The following THSD4 variants were observed in gnomAD, a reference collection of about 807,000 sequenced individuals.
THSD4 encodes thrombospondin type-1 domain-containing protein 4.
THSD4 carries 69 observed loss-of-function variants against 119.0 expected under a neutral mutation model. The ratio of observed to expected loss-of-function variants is 0.58; its 90% CI spans 0.48 to 0.71. THSD4 has a LOEUF of 0.71. THSD4 is among the 30% of genes least tolerant of loss of function. The pLI is 0.00. For synonymous variants in THSD4, 524 were observed against 540.4 expected (o/e 0.97, Z 0.42); for missense variants, 1,393 against 1,391.1 (o/e 1.00, Z -0.02).
At chr15:71,222,791 G>A (rs1414981094) in intron 4 of THSD4, among the ~76,000 whole-genome samples, 1 of 152,144 alleles carries the variant, frequency 6.6e-6, no homozygotes, top group Admixed American at 6.5e-5. Context: ...CTCAATGACT[G>A]GGGCTTTGAA....
intron 17 of THSD4, among the ~76,000 whole-genome samples, chr15:71,773,670 T>C (rs1315022206): frequency 6.6e-6 from 1 of 152,220 alleles, no homozygotes; most frequent in African/African-American, 2.4e-5. Flanking sequence ...GCCAGAGTTA[T>C]GACACACACT....
At chr15:71,257,597 G>A (rs930170798) in intron 6 of THSD4, among the ~76,000 whole-genome samples, 50 of 152,198 alleles carry the variant, frequency 3.3e-4, no homozygotes, top group Non-Finnish European at 6.5e-4. Context: ...AATTGCCTTG[G>A]AAGAGGGATT....
intron 7 of THSD4, among the ~76,000 whole-genome samples, chr15:71,501,417 C>G (rs1399708857): frequency 1.3e-5 from 2 of 152,184 alleles, no homozygotes. Flanking sequence ...GGGTATACCT[C>G]AAGTGGGTTT....
At chr15:71,722,232 T>C (rs1161940820) in intron 8 of THSD4, among the ~76,000 whole-genome samples, 1 of 152,206 alleles carries the variant, frequency 6.6e-6, no homozygotes, top group East Asian at 1.9e-4. Flanking sequence ...AGATGGGGGC[T>C]AGTTTTTGAG....
intron 7 of THSD4, among the ~76,000 whole-genome samples, chr15:71,466,252 G>A (rs1430500397): frequency 2.0e-5 from 3 of 151,862 alleles, no homozygotes; most frequent in Non-Finnish European, 4.4e-5. Context: ...GGCTGAGGCA[G>A]GAGAATGGTG....
intron 3 of THSD4, among the ~76,000 whole-genome samples, chr15:71,181,208 A>G (rs1469313018): frequency 3.9e-5 from 6 of 152,342 alleles, no homozygotes; most frequent in Non-Finnish European, 5.9e-5. Context: ...TGGCATAAAT[A>G]TAACTGACTG....
chr15:71,589,784 A>G (rs2049759843), intron 7 of THSD4, among the ~76,000 whole-genome samples: 1 of 139,682 alleles, frequency 7.2e-6, no homozygotes, highest in Admixed American at 7.2e-5. Flanking sequence ...ATTATCACCA[A>G]TAATTGGAAA....
intron 6 of THSD4, among the ~76,000 whole-genome samples, chr15:71,384,637 A>G (rs1007754578): frequency 2.6e-5 from 4 of 152,196 alleles, no homozygotes; most frequent in Non-Finnish European, 4.4e-5. Flanking sequence ...AATTTTTGAA[A>G]CCTTCTTAGA....
Position 71,735,451 on chromosome 15 carries a change from ACTCTCT to A in THSD4, c.1631-2266_1631-2261del, listed in dbSNP as rs751483915. Reference sequence around the variant, plus strand: ...TTGAAAACCTCTCTCTCTCTTTCTCACTCTCTCTCTCTCTCTCTCTTTCTCACTAGC... The same window carrying A: ...TTGAAAACCTCTCTCTCTCTTTCTCACTCTCTCTCTCTCTTTCTCACTAGC... On this transcript the variant is annotated intron_variant, in intron 10 of 17. Transcript: ENST00000261862. 4.7e-4 allele frequency among the ~76,000 whole-genome samples: 56 copies of A among 118,886 alleles called. 2 individuals are homozygous for A. Among genetic ancestry groups the A allele is most frequent in the Middle Eastern group, 4.7e-3 (1 of 214 alleles). The allele number at this position is 118,886 out of a possible 152,430, so 78.0% of individuals were successfully genotyped here.
intron 6 of THSD4, among the ~76,000 whole-genome samples, chr15:71,290,023 C>G (rs1173366088): frequency 1.3e-5 from 2 of 152,132 alleles, no homozygotes; most frequent in Non-Finnish European, 2.9e-5. Flanking sequence ...TACCCTTCCC[C>G]AGAGTAGATA....
Position 71,781,357 on chromosome 15 carries a change from C to T in THSD4, c.*3983C>T, listed in dbSNP as rs1397235429. On this transcript the variant is annotated 3_prime_UTR_variant, in exon 18 of 18. Transcript: ENST00000261862. Reference sequence around the variant, plus strand: ...GGCAAGAATTTCAGTTGACTAAGCTCAGTGTGAGTCAAAGTGGGATGGAAC... The same window carrying T: ...GGCAAGAATTTCAGTTGACTAAGCTTAGTGTGAGTCAAAGTGGGATGGAAC... 1 of 153,422 alleles carries T rather than the reference C, an allele frequency of 6.5e-6. No individual in the cohort carries two copies. Among genetic ancestry groups the T allele is most frequent in the Non-Finnish European group, 1.5e-5 (1 of 68,922 alleles). 9.5% of individuals were successfully genotyped at this position (153,422 alleles called of 1,614,324 possible). A position where few individuals can be genotyped will look rare whatever the true frequency, so the allele number is the denominator to read the frequency against.
chr15:71,407,230 G>C (rs544786624), intron 6 of THSD4, among the ~76,000 whole-genome samples: 2 of 152,250 alleles, frequency 1.3e-5, no homozygotes, highest in East Asian at 3.9e-4. Context: ...CTTAGAGATA[G>C]TTGTCCCGGT....
chr15:71,526,137 C>T (rs1347299115), intron 7 of THSD4, among the ~76,000 whole-genome samples: 1 of 152,190 alleles, frequency 6.6e-6, no homozygotes. Context: ...CAATAAATTA[C>T]TGCCTACTTG....
At chr15:71,280,300 G>A (rs1287607521) in intron 6 of THSD4, among the ~76,000 whole-genome samples, 1 of 152,192 alleles carries the variant, frequency 6.6e-6, no homozygotes, top group East Asian at 1.9e-4. Flanking sequence ...TCAAACAGGA[G>A]GCTAAAGAAA....
chr15:71,306,152 A>G (rs1346514338), intron 6 of THSD4, among the ~76,000 whole-genome samples: 3 of 151,910 alleles, frequency 2.0e-5, no homozygotes, highest in African/African-American at 7.3e-5. Context: ...CTAAAAATGC[A>G]AAAATCAGCC....
At chr15:71,219,092 G>A (rs950700468) in intron 4 of THSD4, among the ~76,000 whole-genome samples, 2 of 152,018 alleles carry the variant, frequency 1.3e-5, no homozygotes, top group East Asian at 1.9e-4. Flanking sequence ...AATAACACAC[G>A]TAAAATCTGA....
intron 2 of THSD4, among the ~76,000 whole-genome samples, chr15:71,143,485 A>G (rs2040624830): frequency 6.6e-6 from 1 of 151,970 alleles, no homozygotes; most frequent in Non-Finnish European, 1.5e-5. Context: ...TATTGAACTT[A>G]TTCGAAAAGG....
chr15:71,447,082 A>G (rs962316341), intron 7 of THSD4, among the ~76,000 whole-genome samples: 1 of 146,316 alleles, frequency 6.8e-6, no homozygotes, highest in Admixed American at 6.8e-5. Context: ...TGCAAACAAC[A>G]GTGTCCTCTG....
At chr15:71,586,394 A>G (rs1454214104) in intron 7 of THSD4, among the ~76,000 whole-genome samples, 1 of 152,162 alleles carries the variant, frequency 6.6e-6, no homozygotes, top group Non-Finnish European at 1.5e-5. Flanking sequence ...TTACCAGGGC[A>G]CCACCCTCAT....
Sources: allele counts gnomAD v4.1 joint callset (sites outside exome capture counted in the v4.1 genomes callset), GRCh38; gene constraint gnomAD v4.1.1; transcripts MANE v1.5; gene names NCBI Gene and HGNC (gene_info 2026-07-23, HGNC 2026-07-21).